CCSER1: variants seen among roughly 807,000 people sequenced by gnomAD.
CCSER1 encodes coiled-coil serine rich protein 1.
A neutral mutation model predicts 82.0 loss-of-function variants in CCSER1; 41 were observed. That is an observed-to-expected ratio of 0.50 (90% confidence interval 0.39 to 0.65). The LOEUF is 0.65. Among genes scored for constraint, CCSER1 ranks in the 30% least tolerant of loss-of-function variants. The probability of loss-of-function intolerance (pLI) is 0.00; values close to 1 mark genes in which losing one functional copy is unlikely to be tolerated. For missense variants in CCSER1, 1,119 were observed against 1,064.2 expected, an observed-to-expected ratio of 1.05 and a Z score of -0.72; for synonymous variants, 414 against 383.9, an observed-to-expected ratio of 1.08 and a Z score of -0.92.
intron 9 of CCSER1, among the ~76,000 whole-genome samples, chr4:90,996,560 T>C (rs1034570022): frequency 5.3e-5 from 8 of 152,176 alleles, no homozygotes; most frequent in Non-Finnish European, 1.0e-4. Flanking sequence ...GGGAGAATTA[T>C]GTAACTTTCA....
chr4:90,915,683 A>T (rs1015852847), intron 8 of CCSER1, among the ~76,000 whole-genome samples: 1 of 150,024 alleles, frequency 6.7e-6, no homozygotes, highest in Non-Finnish European at 1.5e-5. Flanking sequence ...GGCAGGAGAA[A>T]GAAATAAAGG....
chr4:91,535,821 C>T (rs749252021), intron 10 of CCSER1, among the ~76,000 whole-genome samples: 12 of 151,926 alleles, frequency 7.9e-5, no homozygotes, highest in African/African-American at 1.9e-4. Context: ...AAGACATAAA[C>T]GTAATGACTA....
intron 7 of CCSER1, chr4:90,780,728 A>T: frequency 7.8e-7 from 1 of 1,278,312 alleles, no homozygotes; most frequent in Admixed American, 3.8e-5. Context: ...CTCCAAGAAT[A>T]CTCCCTTTTT....
chr4:90,877,970 G>A (rs1479367685), intron 8 of CCSER1, among the ~76,000 whole-genome samples: 1 of 152,128 alleles, frequency 6.6e-6, no homozygotes, highest in Non-Finnish European at 1.5e-5. Flanking sequence ...GGCATGTCCA[G>A]CAAGCTTCCA....
chr4:90,276,415 C>G (rs997646477), intron 1 of CCSER1, among the ~76,000 whole-genome samples: 20 of 147,244 alleles, frequency 1.4e-4, no homozygotes, highest in African/African-American at 3.5e-4. Context: ...GGCACGATCT[C>G]TGCTCACTGC....
intron 10 of CCSER1, among the ~76,000 whole-genome samples, chr4:91,524,981 T>C (rs779705709): frequency 3.3e-5 from 5 of 151,952 alleles, no homozygotes; most frequent in Admixed American, 6.6e-5. Context: ...TAAGACTCCA[T>C]TAAGGCAGAA....
intron 4 of CCSER1, among the ~76,000 whole-genome samples, chr4:90,414,567 T>C (rs1387738101): frequency 2.6e-5 from 4 of 152,148 alleles, no homozygotes; most frequent in African/African-American, 9.7e-5. Context: ...AAAAAGTATA[T>C]TAGTGACCCT....
Position 91,274,451 on chromosome 4 carries a change from C to T in CCSER1, c.2217+188457C>T, listed in dbSNP as rs554367446. Among the ~76,000 whole-genome samples, 4 of 152,100 alleles carry T rather than the reference C, an allele frequency of 2.6e-5. No homozygotes were observed. The South Asian group carries it at 8.3e-4, about 32-fold the overall frequency. On this transcript the variant is annotated intron_variant, in intron 10 of 10. Coordinates refer to ENST00000509176, the MANE Select transcript of CCSER1 (RefSeq NM_001145065.2). ...CTTCTTTCTAACTGTATGTTTATAC[C>T]CATTAACCACCCTCTGTTCATCACA...
At chr4:90,782,822 C>T (rs887423930) in intron 7 of CCSER1, among the ~76,000 whole-genome samples, 7 of 151,436 alleles carry the variant, frequency 4.6e-5, no homozygotes, top group Non-Finnish European at 7.4e-5. Context: ...GCTGGGACTA[C>T]AGGTGCCAGC....
intron 10 of CCSER1, among the ~76,000 whole-genome samples, chr4:91,309,851 G>A (rs982074066): frequency 1.3e-5 from 2 of 151,944 alleles, no homozygotes; most frequent in East Asian, 1.9e-4. Flanking sequence ...TCCCAGGCCT[G>A]CCATAACAGA....
At chr4:90,935,944 T>C (rs2150312586) in intron 9 of CCSER1, among the ~76,000 whole-genome samples, 1 of 152,254 alleles carries the variant, frequency 6.6e-6, no homozygotes, top group African/African-American at 2.4e-5. Context: ...CCATTTTATT[T>C]CCTTATTTTT....
intron 10 of CCSER1, among the ~76,000 whole-genome samples, chr4:91,153,471 A>T (rs971065664): frequency 2.0e-5 from 3 of 151,856 alleles, no homozygotes; most frequent in Non-Finnish European, 2.9e-5. Context: ...CCTTTAGCTT[A>T]GAGAAGTTTG....
At chr4:90,627,848 C>T (rs1446693394) in intron 5 of CCSER1, among the ~76,000 whole-genome samples, 177 bp from the exon 6 acceptor site, 1 of 151,948 alleles carries the variant, frequency 6.6e-6, no homozygotes, top group Non-Finnish European at 1.5e-5. Flanking sequence ...TGCACTCCAG[C>T]CTGGGGGACA....
intron 3 of CCSER1, among the ~76,000 whole-genome samples, chr4:90,330,278 G>A (rs531808958): frequency 2.6e-5 from 4 of 152,230 alleles, no homozygotes; most frequent in African/African-American, 9.6e-5. Context: ...CCAGCTGTCA[G>A]ATAATTCATA....
intron 10 of CCSER1, among the ~76,000 whole-genome samples, chr4:91,316,658 T>C (rs1194116636): frequency 6.6e-6 from 1 of 151,952 alleles, no homozygotes; most frequent in East Asian, 1.9e-4. Context: ...TGCTACTTGC[T>C]GGGAAAAAGC....
intron 10 of CCSER1, among the ~76,000 whole-genome samples, chr4:91,326,216 C>A (rs1404647271): frequency 6.6e-6 from 1 of 152,020 alleles, no homozygotes; most frequent in Non-Finnish European, 1.5e-5. Context: ...AAAGAACTAC[C>A]CGAGACTGGG....
chr4:91,039,519 G>T (rs998914431), intron 9 of CCSER1, among the ~76,000 whole-genome samples: 2 of 151,960 alleles, frequency 1.3e-5, no homozygotes, highest in Non-Finnish European at 2.9e-5. Context: ...TCTAATAGCT[G>T]TGTAATAGAT....
chr4:90,903,980 A>T lies in CCSER1; in HGVS notation c.2095-19390A>T, dbSNP rs1470112586. On this transcript the variant is annotated intron_variant, in intron 8 of 10. Coordinates refer to ENST00000509176, the MANE Select transcript of CCSER1 (RefSeq NM_001145065.2). ...TCCTAATAATTTATTTAAATGAAAA[A>T]TTAATAATTTTTTTTGACAGGAAAC... 2.0e-5 allele frequency among the ~76,000 whole-genome samples: 3 copies of T among 151,892 alleles called. No individual in the cohort carries two copies. The East Asian group carries it at 5.8e-4, about 29-fold the overall frequency.
chr4:91,116,005 C>A (rs371753778), intron 10 of CCSER1, among the ~76,000 whole-genome samples: 1 of 151,822 alleles, frequency 6.6e-6, no homozygotes, highest in Non-Finnish European at 1.5e-5. Context: ...TCCCTCCCCC[C>A]TGTCCCCACC....
Sources: allele counts gnomAD v4.1 joint callset (sites outside exome capture counted in the v4.1 genomes callset), GRCh38; gene constraint gnomAD v4.1.1; transcripts MANE v1.5; gene names NCBI Gene and HGNC (gene_info 2026-07-23, HGNC 2026-07-21).